The following ZNF365 variants were observed in gnomAD, a reference collection of about 807,000 sequenced individuals.
ZNF365 encodes protein ZNF365.
Under a neutral mutation model 35.0 loss-of-function variants are expected in ZNF365, and 22 were observed. The observed-to-expected ratio is 0.63, with a 90% confidence interval of 0.45 to 0.90. The LOEUF (loss-of-function observed/expected upper bound fraction) is 0.90, where lower values mean the gene tolerates loss of function less well. Among genes scored for constraint, ZNF365 ranks in the 40% least tolerant of loss-of-function variants. The probability of loss-of-function intolerance (pLI) is 0.00; values close to 1 mark genes in which losing one functional copy is unlikely to be tolerated. For synonymous variants in ZNF365, 188 were observed against 196.2 expected (o/e 0.96, Z 0.35); for missense variants, 448 against 500.3 (o/e 0.90, Z 1.00).
chr10:62,398,047 G>T (rs1479031137), intron 3 of ZNF365, among the ~76,000 whole-genome samples: 1 of 152,082 alleles, frequency 6.6e-6, no homozygotes, highest in African/African-American at 2.4e-5. Flanking sequence ...CCCACTCCTT[G>T]AATAACTAAA....
intron 4 of ZNF365, among the ~76,000 whole-genome samples, chr10:62,465,407 C>T (rs557676076): frequency 2.6e-5 from 4 of 152,260 alleles, no homozygotes; most frequent in African/African-American, 7.2e-5. Flanking sequence ...GGGGGGCAGA[C>T]AGGTTCCTAG....
intron 3 of ZNF365, among the ~76,000 whole-genome samples, chr10:62,436,412 A>G (rs1840408357): frequency 6.7e-6 from 1 of 149,340 alleles, no homozygotes; most frequent in African/African-American, 2.5e-5. Context: ...GAGAAAAAAA[A>G]GCCACTGGCA....
intron 3 of ZNF365, among the ~76,000 whole-genome samples, chr10:62,438,774 C>T (rs747845667): frequency 5.3e-5 from 8 of 152,154 alleles, no homozygotes; most frequent in East Asian, 1.9e-4. Flanking sequence ...CTCAGCATTT[C>T]GGTGCCTTTG....
At chr10:62,464,876 A>G (rs1450875574) in intron 4 of ZNF365, among the ~76,000 whole-genome samples, 1 of 152,234 alleles carries the variant, frequency 6.6e-6, no homozygotes, top group Non-Finnish European at 1.5e-5. Flanking sequence ...AGTGGCCACT[A>G]CAAGGATGCC....
chr10:62,469,564 T>G (rs1248951738), intron 4 of ZNF365, among the ~76,000 whole-genome samples: 1 of 152,214 alleles, frequency 6.6e-6, no homozygotes, highest in Non-Finnish European at 1.5e-5. Context: ...TATTTTTTAT[T>G]TATCTTTTAA....
intron 3 of ZNF365, among the ~76,000 whole-genome samples, chr10:62,393,145 C>T (rs917610978): frequency 3.3e-5 from 5 of 151,890 alleles, no homozygotes; most frequent in Admixed American, 2.0e-4. Flanking sequence ...GGCTATAGCG[C>T]GTACTGAGCT....
rs77188710 is a variant in ZNF365, at chr10:62,479,904, C to T, written c.*8C>T. 3,186 of 1,613,030 alleles carry T rather than the reference C, an allele frequency of 2.0e-3. 56 individuals are homozygous for T. In the African/African-American group the frequency reaches 0.036, roughly 18 times the overall value. ...TCTGCGATTGTGGAATAATGAACTT[C>T]GAATGATGTGATTCTGGATGAGGAC... On this transcript the variant is annotated 3_prime_UTR_variant, in exon 5 of 5. Transcript: ENST00000395255.
At chr10:62,409,074 A>G (rs1839946986) in intron 3 of ZNF365, among the ~76,000 whole-genome samples, 1 of 152,094 alleles carries the variant, frequency 6.6e-6, no homozygotes, top group African/African-American at 2.4e-5. Context: ...GAAGCTGAAA[A>G]TGCCACATGC....
intron 3 of ZNF365, among the ~76,000 whole-genome samples, chr10:62,414,316 C>T (rs150775192): frequency 3.3e-5 from 5 of 152,130 alleles, no homozygotes; most frequent in African/African-American, 1.2e-4. Context: ...CCTCCCACCT[C>T]AGCCTCCCAT....
chr10:62,469,138 T>C (rs754478968), intron 4 of ZNF365, among the ~76,000 whole-genome samples: 3 of 152,236 alleles, frequency 2.0e-5, no homozygotes, highest in Non-Finnish European at 4.4e-5. Context: ...TGTTGACTTT[T>C]GGGAGAGCCA....
At chr10:62,462,977 A>G (rs930609623) in intron 4 of ZNF365, among the ~76,000 whole-genome samples, 8 of 152,212 alleles carry the variant, frequency 5.3e-5, no homozygotes, top group African/African-American at 1.7e-4. Flanking sequence ...GAAGCCGTAA[A>G]GGTTGAACTA....
At chr10:62,434,522 C>G (rs1452881564) in intron 3 of ZNF365, among the ~76,000 whole-genome samples, 3 of 152,144 alleles carry the variant, frequency 2.0e-5, no homozygotes, top group Admixed American at 6.6e-5. Flanking sequence ...CTTGCATTTT[C>G]TCTCTGGCAT....
At chr10:62,438,291 C>G (rs1022339114) in intron 3 of ZNF365, among the ~76,000 whole-genome samples, 2 of 151,720 alleles carry the variant, frequency 1.3e-5, no homozygotes, top group Non-Finnish European at 2.9e-5. Context: ...CAGGCTCAAG[C>G]GATTCTCGTG....
At chr10:62,478,619 G>T (rs1461697116) in intron 4 of ZNF365, among the ~76,000 whole-genome samples, 2 of 152,224 alleles carry the variant, frequency 1.3e-5, no homozygotes, top group African/African-American at 4.8e-5. Context: ...TGTCACCCAG[G>T]CTGGAGTGCA....
chr10:62,440,213 C>T (rs1432688942), intron 3 of ZNF365, among the ~76,000 whole-genome samples: 3 of 138,392 alleles, frequency 2.2e-5, no homozygotes, highest in Non-Finnish European at 5.0e-5. Flanking sequence ...TTTGTATCTC[C>T]TCTTCTTGTT....
chr10:62,395,504 ATTTTTTTTTTT>A (rs67866839), intron 3 of ZNF365, among the ~76,000 whole-genome samples: 5 of 98,466 alleles, frequency 5.1e-5, no homozygotes, highest in South Asian at 3.7e-4. Context: ...CACCCGGCTA[ATTTTTTTTTTT>A]TTTTTTTTTT....
At chr10:62,416,389 T>C (rs1291464353) in intron 3 of ZNF365, among the ~76,000 whole-genome samples, 1 of 152,158 alleles carries the variant, frequency 6.6e-6, no homozygotes, top group Non-Finnish European at 1.5e-5. Flanking sequence ...CTCTAGGTAT[T>C]CATTCTCTGA....
intron 3 of ZNF365, among the ~76,000 whole-genome samples, chr10:62,398,434 T>C (rs1400186708): frequency 4.6e-5 from 7 of 152,154 alleles, no homozygotes; most frequent in Non-Finnish European, 5.9e-5. Context: ...GGAAACATAT[T>C]TCTTCAAATG....
rs757978141 is a variant in ZNF365 at position 62,376,523 on chromosome 10, G to A, written c.330G>A (p.Lys110=). 7.4e-6 allele frequency: 12 copies of A among 1,614,006 alleles called. No homozygotes were observed. In the Admixed American group the frequency reaches 1.8e-4, roughly 25 times the overall value. ...ACAGCATTTCACATGAACATTCCAA[G>A]GACAGGAAGCCATTTGAGGTGGTGG... ...NLYSISHEHS[K]DRKPFEVVAE... Residue 110 remains lysine (K), a synonymous_variant, in exon 2 of 5, where the codon AAG becomes AAA. Transcript: ENST00000395254.
Sources: allele counts gnomAD v4.1 joint callset (sites outside exome capture counted in the v4.1 genomes callset), GRCh38; gene constraint gnomAD v4.1.1; transcripts MANE v1.5; gene names NCBI Gene and HGNC (gene_info 2026-07-23, HGNC 2026-07-21).